The following MAP2K3 variants were observed in gnomAD, a reference collection of about 807,000 sequenced individuals.
MAP2K3 encodes dual specificity mitogen-activated protein kinase kinase 3.
MAP2K3 carries 30 observed loss-of-function variants against 46.4 expected under a neutral mutation model. The ratio of observed to expected loss-of-function variants is 0.65; its 90% CI spans 0.48 to 0.88. The LOEUF is 0.88. MAP2K3 is among the 40% of genes least tolerant of loss of function. MAP2K3 has a pLI of 0.00. For missense variants in MAP2K3, 380 were observed against 464.5 expected (o/e 0.82, Z 1.67); for synonymous variants, 189 against 176.3 (o/e 1.07, Z -0.57).
At chr17:21,303,261 C>T (rs374770900) in intron 7 of MAP2K3, 27 bp downstream of exon 7, 82 of 1,613,456 alleles carry the variant, frequency 5.1e-5, no homozygotes, top group Middle Eastern at 1.6e-4. Flanking sequence ...CACCCAGGCA[C>T]GGTGTAGCCA....
At chr17:21,296,094 G>C in intron 1 of MAP2K3, 2 of 1,289,532 alleles carry the variant, frequency 1.6e-6, no homozygotes, top group Non-Finnish European at 2.0e-6. Context: ...AGAGAGGCTG[G>C]TCATATCCAT....
chr17:21,308,045 G>A (rs1365513581), intron 9 of MAP2K3, among the ~76,000 whole-genome samples: 9 of 150,196 alleles, frequency 6.0e-5, no homozygotes, highest in South Asian at 2.1e-4. Context: ...TAAAAAAGAC[G>A]GGGTTTCACC....
rs1196628429 is a variant in MAP2K3, at chr17:21,300,479, A to T, written c.166-66A>T. On this transcript the variant is annotated intron_variant, in intron 3 of 11. Coordinates refer to ENST00000342679, the MANE Select transcript of MAP2K3 (RefSeq NM_145109.3). Reference sequence around the variant, plus strand: ...CTCTTCATGCTGCCCAGGTATCTCCACTGGGCATGGGGTGAGGACTGGCTT... The same window carrying T: ...CTCTTCATGCTGCCCAGGTATCTCCTCTGGGCATGGGGTGAGGACTGGCTT... The T allele has an allele frequency of 1.5e-5, 23 of 1,500,384 alleles. No individual in the cohort carries two copies. The South Asian group carries it at 2.5e-4, about 16-fold the overall frequency. The allele number at this position is 1,500,384 out of a possible 1,614,324, so 92.9% of individuals were successfully genotyped here.
At position 21,298,894 on chromosome 17, in the gene MAP2K3, G is replaced by A; in HGVS notation, c.133G>A (p.Asp45Asn). 1 of 1,614,312 alleles carries A rather than the reference G, an allele frequency of 6.2e-7. No homozygotes were observed. The highest frequency in any genetic ancestry group is 1.6e-4 in the Middle Eastern group (1 of 6,062). Residue 45 changes from aspartate (D) to asparagine (N), a missense_variant, in exon 3 of 12, where the codon GAC becomes AAC. Asp to Asn is a conservative substitution (Grantham distance 23). Coordinates refer to ENST00000342679, the MANE Select transcript of MAP2K3 (RefSeq NM_145109.3). ...TCTCCACAGACCCCCCCGGAACCTG[G>A]ACTCCCGGACCTTCATCACCATTGG... ...APNPTPPRNLDSRTFITIGDR... is the reference protein window; with the variant it reads ...APNPTPPRNLNSRTFITIGDR...
intron 9 of MAP2K3, among the ~76,000 whole-genome samples, chr17:21,308,541 C>G (rs993048902): frequency 9.2e-5 from 14 of 152,288 alleles, no homozygotes; most frequent in Non-Finnish European, 1.5e-5. Flanking sequence ...ATAATTTTGT[C>G]AGAGAGGTGG....
intron 5 of MAP2K3, among the ~76,000 whole-genome samples, chr17:21,301,469 G>A (rs1214503985): frequency 6.6e-6 from 1 of 152,312 alleles, no homozygotes; most frequent in Admixed American, 6.5e-5. Context: ...GTGGGTGTGG[G>A]TGAGCAGGGA....
intron 7 of MAP2K3, among the ~76,000 whole-genome samples, chr17:21,303,880 C>T (rs1976741577): frequency 1.3e-5 from 2 of 152,312 alleles, no homozygotes; most frequent in African/African-American, 4.8e-5. Context: ...GGCACGGAAC[C>T]TTCTGGTCCT....
intron 9 of MAP2K3, chr17:21,311,802 C>G (rs1977176072): frequency 5.0e-6 from 1 of 198,260 alleles, no homozygotes. Context: ...CCCAAAGTTG[C>G]CAGCTCCTCA....
intron 6 of MAP2K3, 64 bp from the exon 7 acceptor site, chr17:21,303,119 C>G: frequency 6.2e-7 from 1 of 1,606,114 alleles, no homozygotes; most frequent in Non-Finnish European, 8.5e-7. Flanking sequence ...ACTGCTCTGT[C>G]GTTTTTGACG....
At chr17:21,303,852 T>A (rs1976739482) in intron 7 of MAP2K3, among the ~76,000 whole-genome samples, 1 of 152,308 alleles carries the variant, frequency 6.6e-6, no homozygotes, top group East Asian at 1.9e-4. Context: ...GCCCCCCAGG[T>A]CACTGTGGTT....
At chr17:21,311,239 G>C (rs1263427265) in intron 9 of MAP2K3, among the ~76,000 whole-genome samples, 2 of 152,214 alleles carry the variant, frequency 1.3e-5, no homozygotes, top group Non-Finnish European at 2.9e-5. Flanking sequence ...ACGGCCGGCA[G>C]TGAGGGCCCT....
chr17:21,284,759 C>G lies in MAP2K3; in HGVS notation c.-162C>G. 2 of 688,334 alleles carry G rather than the reference C, an allele frequency of 2.9e-6. No homozygotes were observed. The highest frequency in any genetic ancestry group is 4.5e-6 in the Non-Finnish European group (2 of 446,480). 42.6% of individuals were successfully genotyped at this position (688,334 alleles called of 1,614,324 possible). ...CGCGGACTCGTCCTTGCTGCAGTCG[C>G]CGCCGCAGTCCTCGCCGCAGTCGCC... On this transcript the variant is annotated 5_prime_UTR_variant, in exon 1 of 12. Coordinates refer to ENST00000342679, the MANE Select transcript of MAP2K3 (RefSeq NM_145109.3).
intron 7 of MAP2K3, 119 bp downstream of exon 7, chr17:21,303,353 C>A: frequency 7.1e-7 from 1 of 1,415,700 alleles, no homozygotes; most frequent in Non-Finnish European, 9.7e-7. Flanking sequence ...TTGTGACGTG[C>A]CCGATGGGGT....
chr17:21,295,679 G>C, intron 1 of MAP2K3: 1 of 1,289,520 alleles, frequency 7.8e-7, no homozygotes, highest in Middle Eastern at 2.1e-4. Flanking sequence ...CAACAGGCCG[G>C]TGGATGCAGA....
intron 11 of MAP2K3, 130 bp from the exon 12 acceptor site, chr17:21,314,017 G>C (rs1160919837): frequency 8.4e-6 from 6 of 718,522 alleles, no homozygotes; most frequent in Non-Finnish European, 1.5e-5. Flanking sequence ...TCCTGGGGGT[G>C]GAGGTCCTAG....
At chr17:21,289,988 C>T (rs1975840787) in intron 1 of MAP2K3, among the ~76,000 whole-genome samples, 1 of 152,196 alleles carries the variant, frequency 6.6e-6, no homozygotes, top group Admixed American at 6.5e-5. Context: ...GGGATTGCAC[C>T]TGGCTCTGCT....
chr17:21,292,152 G>C (rs978468820), intron 1 of MAP2K3, among the ~76,000 whole-genome samples: 1 of 152,312 alleles, frequency 6.6e-6, no homozygotes. Flanking sequence ...CCTCCAGCCT[G>C]AGCAGCCTGC....
chr17:21,292,007 T>G (rs1387736744), intron 1 of MAP2K3, among the ~76,000 whole-genome samples: 3 of 152,310 alleles, frequency 2.0e-5, no homozygotes, highest in Admixed American at 6.5e-5. Context: ...TGGTGGTTTC[T>G]CCACTGAGGT....
intron 1 of MAP2K3, chr17:21,295,791 GA>G (rs1270572480): frequency 7.8e-7 from 1 of 1,289,160 alleles, no homozygotes; most frequent in Non-Finnish European, 1.0e-6. Context: ...GAGGCTTGGT[GA>G]AGGGGGGGCC....
Sources: gnomAD v4.1 joint callset for allele counts (sites outside exome capture counted in the v4.1 genomes callset) on GRCh38, gnomAD v4.1.1 for gene constraint, MANE v1.5 for transcripts, NCBI Gene and HGNC (gene_info 2026-07-23, HGNC 2026-07-21) for gene names.